Variants in ERICH6 observed in about 807,000 individuals in gnomAD.
ERICH6 encodes the protein glutamate rich 6.
ERICH6 carries 71 observed loss-of-function variants against 71.0 expected under a neutral mutation model. The ratio of observed to expected loss-of-function variants is 1.00; its 90% confidence interval spans 0.83 to 1.22. The LOEUF (loss-of-function observed/expected upper bound fraction) is 1.22. ERICH6 is among the 50% of genes most tolerant of loss of function. ERICH6 has a pLI of 0.00. For synonymous variants in ERICH6, 262 were observed against 278.4 expected (o/e 0.94, Z 0.59); for missense variants, 808 against 797.2 (o/e 1.01, Z -0.16).
rs1293200658 is a variant in ERICH6 at position 150,680,854 on chromosome 3, G to A, written c.959C>T (p.Ala320Val). The A allele has an allele frequency of 6.2e-7, 1 of 1,614,002 alleles. No individual in the cohort carries two copies. Among genetic ancestry groups the A allele is most frequent in the South Asian group, 1.1e-5 (1 of 91,086 alleles). The change falls in exon 8 of 14, where the codon GCT becomes GTT. Residue 320 changes from alanine to valine, a missense_variant. By Grantham distance (64) the Ala-to-Val change is moderately conservative. Around this residue, in one of 3 missense-constraint regions of ERICH6, gnomAD observed 736 missense variants for 712.2 expected, o/e 1.03. Transcript: ENST00000295910. Reference protein sequence around the residue: ...EEQIKTKPPKAELIAIDPHAA... With the variant: ...EEQIKTKPPKVELIAIDPHAA... ...ATGAGGGTCAATAGCAATTAATTCA[G>A]CTTTAGGGGGTTTGGTTTTTATTTG... is the stretch of plus-strand genomic sequence containing the variant.
chr3:150,702,409 T>C (rs752325282), intron 1 of ERICH6, among the ~76,000 whole-genome samples: 2 of 151,748 alleles, frequency 1.3e-5, no homozygotes, highest in Admixed American at 6.6e-5. Flanking sequence ...CCCAAGTAGC[T>C]GGGACTACAG....
chr3:150,666,298 A>C (rs1462816930), intron 13 of ERICH6, among the ~76,000 whole-genome samples: 1 of 152,178 alleles, frequency 6.6e-6, no homozygotes, highest in Non-Finnish European at 1.5e-5. Flanking sequence ...ACTGTTCAAC[A>C]AGCACGGGGA....
chr3:150,669,529 C>G, intron 11 of ERICH6, 78 bp from the exon 12 acceptor site: 1 of 1,470,040 alleles, frequency 6.8e-7, no homozygotes, highest in Middle Eastern at 1.8e-4. Context: ...TATGAGAGAG[C>G]ACTCTGAAAT....
intron 3 of ERICH6, among the ~76,000 whole-genome samples, chr3:150,696,533 A>C (rs1018260670): frequency 6.6e-6 from 1 of 152,152 alleles, no homozygotes. Context: ...ACAACATTCA[A>C]AGAAGTATTA....
At chr3:150,694,098 GT>G (rs894453751) in intron 3 of ERICH6, among the ~76,000 whole-genome samples, 4 of 152,126 alleles carry the variant, frequency 2.6e-5, no homozygotes, top group African/African-American at 9.7e-5. Flanking sequence ...GTTTGCTGTT[GT>G]TTTTCTCCCT....
chr3:150,689,342 C>T (rs977124124), intron 3 of ERICH6, among the ~76,000 whole-genome samples: 1 of 152,122 alleles, frequency 6.6e-6, no homozygotes, highest in African/African-American at 2.4e-5. Context: ...CCAGGCCAAA[C>T]TGAAACAGTG....
Position 150,678,409 on chromosome 3 carries a change from C to A in ERICH6, c.1257G>T (p.Lys419Asn). Residue 419 changes from lysine (K) to asparagine (N), a missense_variant and splice_region_variant, in exon 10 of 14, where the codon AAG (lysine) becomes AAT (asparagine). Physicochemically the swap from Lys to Asn is moderately conservative, Grantham distance 94 (BLOSUM62 0). Transcript: ENST00000295910. ...AGTAAAAAAATTACAAGTTCATTAC[C>A]TTTCCACATGCTATCCGAGAATCAC... ...ICCDSRIACG[K>N]VVRNELLEKH... is the part of the protein sequence containing the mutation. 1 of 1,550,318 alleles carries A rather than the reference C, an allele frequency of 6.5e-7. No individual in the cohort carries two copies.
chr3:150,688,396 T>C (rs1049876160), intron 3 of ERICH6, among the ~76,000 whole-genome samples: 2 of 152,190 alleles, frequency 1.3e-5, no homozygotes, highest in African/African-American at 4.8e-5. Context: ...AATAACTGTA[T>C]ATGACGAAAT....
intron 3 of ERICH6, among the ~76,000 whole-genome samples, chr3:150,689,502 TA>T (rs1410148781): frequency 2.0e-5 from 3 of 152,232 alleles, no homozygotes; most frequent in Non-Finnish European, 4.4e-5. Context: ...TGAAATATGC[TA>T]ATGAGATTTT....
chr3:150,700,241 ATTTTTTTTTT>A (rs34624356), intron 2 of ERICH6, among the ~76,000 whole-genome samples: 4 of 110,964 alleles, frequency 3.6e-5, no homozygotes, highest in Admixed American at 1.0e-4. Context: ...TGCCCGGCTA[ATTTTTTTTTT>A]TTTTTTTTTT....
intron 3 of ERICH6, among the ~76,000 whole-genome samples, chr3:150,694,789 A>C (rs928603925): frequency 5.3e-5 from 8 of 152,136 alleles, no homozygotes; most frequent in Non-Finnish European, 1.2e-4. Flanking sequence ...TCTTGGTACC[A>C]ATTTTCTGTC....
At chr3:150,670,232 C>G (rs55856165) in intron 11 of ERICH6, among the ~76,000 whole-genome samples, 5,816 of 152,118 alleles carry the variant, frequency 0.038, 393 homozygotes, top group African/African-American at 0.13. Context: ...CACCTGTAAT[C>G]TCAGCACTTG....
intron 3 of ERICH6, among the ~76,000 whole-genome samples, chr3:150,686,931 G>T (rs1009074140): frequency 6.6e-6 from 1 of 152,182 alleles, no homozygotes; most frequent in Non-Finnish European, 1.5e-5. Flanking sequence ...AGCACTTTGG[G>T]AGGCCAAGGC....
At chr3:150,673,342 C>T (rs903009504) in intron 11 of ERICH6, among the ~76,000 whole-genome samples, 5 of 151,922 alleles carry the variant, frequency 3.3e-5, no homozygotes, top group Admixed American at 6.6e-5. Flanking sequence ...GTGTGTACCA[C>T]CACACCTGGC....
intron 7 of ERICH6, among the ~76,000 whole-genome samples, chr3:150,681,741 A>G (rs1292721967): frequency 6.6e-6 from 1 of 150,996 alleles, no homozygotes; most frequent in Non-Finnish European, 1.5e-5. Context: ...TACCCATCCT[A>G]ATGGGTGTGA....
chr3:150,682,368 G>A (rs753857141), intron 6 of ERICH6, 52 bp from the exon 7 acceptor site: 2 of 1,403,108 alleles, frequency 1.4e-6, no homozygotes, highest in East Asian at 2.3e-5. Context: ...GAGGCCCAGA[G>A]GCTCTGAGAG....
At chr3:150,666,289 C>G (rs1041887147) in intron 13 of ERICH6, among the ~76,000 whole-genome samples, 3 of 152,144 alleles carry the variant, frequency 2.0e-5, no homozygotes, top group Non-Finnish European at 2.9e-5. Flanking sequence ...AACGGCAGCA[C>G]TGTTCAACAA....
intron 13 of ERICH6, among the ~76,000 whole-genome samples, chr3:150,662,703 A>C (rs547622700): frequency 2.6e-5 from 4 of 152,136 alleles, no homozygotes; most frequent in Admixed American, 6.5e-5. Flanking sequence ...AAGTGAAAGA[A>C]AATGACAGCA....
intron 3 of ERICH6, among the ~76,000 whole-genome samples, chr3:150,696,376 T>C (rs1712658046): frequency 6.6e-6 from 1 of 152,144 alleles, no homozygotes; most frequent in Non-Finnish European, 1.5e-5. Flanking sequence ...ATACATATAT[T>C]ATTGAATTAG....
Sources: gnomAD v4.1 joint callset for allele counts (sites outside exome capture counted in the v4.1 genomes callset) on GRCh38, gnomAD v4.1.1 for gene constraint, gnomAD v4.1.1 regional missense constraint, MANE v1.5 for transcripts, NCBI Gene and HGNC (gene_info 2026-07-23, HGNC 2026-07-21) for gene names.